The following EVI5 variants were observed in gnomAD, a reference collection of about 807,000 sequenced individuals.
EVI5 encodes ecotropic viral integration site 5 protein homolog.
Under a neutral mutation model 112.0 loss-of-function variants are expected in EVI5, and 73 were observed. The ratio of observed to expected loss-of-function variants is 0.65; its 90% confidence interval spans 0.54 to 0.79. EVI5 has a LOEUF of 0.79. EVI5 is among the 30% of genes least tolerant of loss of function. The pLI, the probability that EVI5 is intolerant of heterozygous loss-of-function variation, is 0.00. For synonymous variants in EVI5, 305 were observed against 319.9 expected, an observed-to-expected ratio of 0.95 and a Z score of 0.50; for missense variants, 900 against 968.8, an observed-to-expected ratio of 0.93 and a Z score of 0.94.
At chr1:92,727,502 G>C (rs1203921296) in intron 2 of EVI5, among the ~76,000 whole-genome samples, 3 of 152,078 alleles carry the variant, frequency 2.0e-5, no homozygotes, top group Non-Finnish European at 4.4e-5. Context: ...TCATGAGTCT[G>C]ATTTATCCCA....
At chr1:92,529,394 C>A (rs965478867) in intron 19 of EVI5, among the ~76,000 whole-genome samples, 1 of 151,842 alleles carries the variant, frequency 6.6e-6, no homozygotes, top group Non-Finnish European at 1.5e-5. Flanking sequence ...AACTGTCAGA[C>A]TGAAGCATAC....
At chr1:92,584,367 T>TGAAGCACA (rs1557839056) in intron 18 of EVI5, among the ~76,000 whole-genome samples, 1 of 152,188 alleles carries the variant, frequency 6.6e-6, no homozygotes. Context: ...TACATTGATA[T>TGAAGCACA]TTTCAACGCA....
chr1:92,663,397 CTA>C lies in EVI5; in HGVS notation c.1245+21_1245+22del, dbSNP rs878912319. The C allele has an allele frequency of 5.3e-6, 7 of 1,331,758 alleles. No homozygotes were observed. In the South Asian group the frequency reaches 1.1e-4, roughly 20 times the overall value. The allele number at this position is 1,331,758 out of a possible 1,614,324, so 82.5% of individuals were successfully genotyped here. On this transcript the variant is annotated intron_variant, in intron 12 of 19. Coordinates refer to ENST00000684568, the MANE Select transcript of EVI5 (RefSeq NM_001350197.2). Reference sequence around the variant, plus strand: ...AAGTTAGAGAAGATGTTTTAAAAAACTAAAACAAAACAAAAACTATACCTGTA... The same window carrying C: ...AAGTTAGAGAAGATGTTTTAAAAAACAAACAAAACAAAAACTATACCTGTA...
At chr1:92,557,676 C>A (rs771733263) in intron 19 of EVI5, among the ~76,000 whole-genome samples, 3 of 151,878 alleles carry the variant, frequency 2.0e-5, no homozygotes, top group Non-Finnish European at 4.4e-5. Flanking sequence ...CAAGTTCTTT[C>A]TTAAATCATC....
intron 10 of EVI5, among the ~76,000 whole-genome samples, chr1:92,673,568 G>C (rs1666225208): frequency 6.6e-6 from 1 of 152,094 alleles, no homozygotes; most frequent in Non-Finnish European, 1.5e-5. Context: ...CTGGGCTCAA[G>C]TGATCTGCCT....
At chr1:92,709,181 G>C (rs547023269) in intron 2 of EVI5, among the ~76,000 whole-genome samples, 1 of 152,270 alleles carries the variant, frequency 6.6e-6, no homozygotes, top group South Asian at 2.1e-4. Flanking sequence ...GGGTGGGGTT[G>C]CTAGAAAGGA....
chr1:92,525,354 C>T (rs1308812374), intron 19 of EVI5, among the ~76,000 whole-genome samples: 1 of 149,718 alleles, frequency 6.7e-6, no homozygotes, highest in Non-Finnish European at 1.5e-5. Context: ...ACTCCAACCT[C>T]TGCCTCCTGG....
intron 1 of EVI5, among the ~76,000 whole-genome samples, chr1:92,790,512 G>GTT (rs566840380): frequency 7.1e-6 from 1 of 140,938 alleles, no homozygotes; most frequent in African/African-American, 2.6e-5. Flanking sequence ...TTCAAAACTG[G>GTT]TTTTTTTTTT....
chr1:92,622,358 A>G (rs1654783076), intron 16 of EVI5: 1 of 426,888 alleles, frequency 2.3e-6, no homozygotes, highest in Admixed American at 2.8e-5. Context: ...CAGTGTTGAT[A>G]GCAGACACAA....
chr1:92,702,126 CTTATA>C lies in EVI5; in HGVS notation c.639+10_639+14del. 7.6e-7 allele frequency: 1 copy of C among 1,317,112 alleles called. No homozygotes were observed. The highest frequency in any genetic ancestry group is 1.0e-6 in the Non-Finnish European group (1 of 953,618). The allele number at this position is 1,317,112 out of a possible 1,614,324, so 81.6% of individuals were successfully genotyped here. A position where few individuals can be genotyped will look rare whatever the true frequency, so the allele number is the denominator to read the frequency against. On this transcript the variant is annotated intron_variant, in intron 5 of 19. Coordinates refer to ENST00000684568, the MANE Select transcript of EVI5 (RefSeq NM_001350197.2). ...AAAAAATTTCATTGGACATTTAATA[CTTATA>C]TTAACTTACCTGCATAAGCAACAAT...
At chr1:92,789,391 C>T (rs1685918859), upstream of EVI5, among the ~76,000 whole-genome samples, 1 of 152,008 alleles carries the variant, frequency 6.6e-6, no homozygotes, top group Admixed American at 6.6e-5. Flanking sequence ...CAAGCTCTGC[C>T]TCCTGGGTTC....
intron 19 of EVI5, among the ~76,000 whole-genome samples, chr1:92,536,516 T>G: frequency 6.6e-6 from 1 of 152,236 alleles, no homozygotes; most frequent in East Asian, 1.9e-4. Flanking sequence ...ATTGAAATTC[T>G]ACAGCAGGGA....
Position 92,510,166 on chromosome 1 carries a change from T to C in EVI5, c.*3490A>G, listed in dbSNP as rs1018537796. 7 of 152,220 alleles carry C rather than the reference T, an allele frequency of 4.6e-5. No individual in the cohort carries two copies. The highest frequency in any genetic ancestry group is 8.8e-5 in the Non-Finnish European group (6 of 68,036). 9.4% of individuals were successfully genotyped at this position (152,220 alleles called of 1,614,324 possible). Reference sequence around the variant, plus strand: ...ACGGATTAAGGTTTCCTTACCATGATTCTTTTAACACCTAATTCCTAATCA... The same window carrying C: ...ACGGATTAAGGTTTCCTTACCATGACTCTTTTAACACCTAATTCCTAATCA... On this transcript the variant is annotated 3_prime_UTR_variant, in exon 20 of 20. Transcript: ENST00000684568.
intron 14 of EVI5, 42 bp downstream of exon 14, chr1:92,636,160 C>A: frequency 3.3e-6 from 5 of 1,531,554 alleles, no homozygotes; most frequent in Non-Finnish European, 3.6e-6. Flanking sequence ...ATCACATATC[C>A]CCTCTAATTT....
At chr1:92,625,745 T>G (rs1024808987) in intron 15 of EVI5, 49 bp downstream of exon 15, 8 of 1,556,916 alleles carry the variant, frequency 5.1e-6, no homozygotes, top group Non-Finnish European at 7.1e-6. Context: ...AAATTGGATA[T>G]TTCGGTTTTA....
At chr1:92,662,020 A>G (rs777424879) in intron 13 of EVI5, among the ~76,000 whole-genome samples, 3 of 151,772 alleles carry the variant, frequency 2.0e-5, no homozygotes, top group African/African-American at 4.9e-5. Context: ...GAATTTGCCA[A>G]TGGAAAATGT....
chr1:92,661,379 T>C (rs1170326635), intron 13 of EVI5, among the ~76,000 whole-genome samples: 2 of 152,076 alleles, frequency 1.3e-5, no homozygotes, highest in Non-Finnish European at 2.9e-5. Flanking sequence ...CAGCATTCTA[T>C]CCCTTTGATA....
chr1:92,734,367 G>T (rs182452077), intron 2 of EVI5, among the ~76,000 whole-genome samples: 5 of 152,188 alleles, frequency 3.3e-5, no homozygotes, highest in Non-Finnish European at 7.3e-5. Flanking sequence ...AACACTTGCC[G>T]AAAGTAACTA....
intron 2 of EVI5, 97 bp from the exon 3 acceptor site, chr1:92,704,841 T>C (rs1022057164): frequency 2.4e-5 from 11 of 466,528 alleles, no homozygotes; most frequent in Non-Finnish European, 3.3e-5. Context: ...AATTTAACCA[T>C]TGTTTTAAAA....
Sources: allele counts gnomAD v4.1 joint callset (sites outside exome capture counted in the v4.1 genomes callset), GRCh38; gene constraint gnomAD v4.1.1; transcripts MANE v1.5; gene names NCBI Gene and HGNC (gene_info 2026-07-23, HGNC 2026-07-21).